PCSK5: variants seen among roughly 807,000 people sequenced by gnomAD.
PCSK5 encodes the protein prohormone convertase 5.
PCSK5 carries 129 observed loss-of-function variants against 233.2 expected under a neutral mutation model. The ratio of observed to expected loss-of-function variants is 0.55; its 90% confidence interval spans 0.48 to 0.64. The LOEUF is 0.64. PCSK5 is among the 30% of genes least tolerant of loss of function. The probability of loss-of-function intolerance (pLI) is 0.00; values close to 1 mark genes in which losing one functional copy is unlikely to be tolerated. For missense variants in PCSK5, 2,076 were observed against 2,430.1 expected, an observed-to-expected ratio of 0.85 and a Z score of 3.06; for synonymous variants, 825 against 879.2, an observed-to-expected ratio of 0.94 and a Z score of 1.09.
intron 5 of PCSK5, among the ~76,000 whole-genome samples, chr9:76,032,392 C>T (rs1482098998): frequency 6.6e-6 from 1 of 152,086 alleles, no homozygotes; most frequent in Admixed American, 6.5e-5. Flanking sequence ...AACTCTAATG[C>T]CTGAAGGGTT....
At chr9:76,137,532 A>T (rs187086805) in intron 10 of PCSK5, among the ~76,000 whole-genome samples, 32 of 152,294 alleles carry the variant, frequency 2.1e-4, no homozygotes, top group African/African-American at 5.3e-4. Context: ...CACAATAAAC[A>T]TAATCTGATG....
At chr9:76,060,220 A>T (rs1004281624) in intron 5 of PCSK5, among the ~76,000 whole-genome samples, 1 of 152,184 alleles carries the variant, frequency 6.6e-6, no homozygotes, top group South Asian at 2.1e-4. Context: ...ATATCTTTTA[A>T]CTTCCCCCAA....
intron 13 of PCSK5, among the ~76,000 whole-genome samples, chr9:76,174,578 G>A (rs1295797019): frequency 6.6e-6 from 1 of 152,070 alleles, no homozygotes; most frequent in African/African-American, 2.4e-5. Flanking sequence ...CCAAGGTGCT[G>A]GGATTACAGG....
At chr9:76,032,882 C>T (rs1036655145) in intron 5 of PCSK5, among the ~76,000 whole-genome samples, 1 of 152,196 alleles carries the variant, frequency 6.6e-6, no homozygotes, top group South Asian at 2.1e-4. Context: ...GAAACCACAG[C>T]ATTATATTTT....
chr9:75,971,032 G>A (rs1230086137), intron 2 of PCSK5, among the ~76,000 whole-genome samples: 3 of 152,020 alleles, frequency 2.0e-5, no homozygotes, highest in Non-Finnish European at 4.4e-5. Context: ...CATCACCTAG[G>A]TATTAAGCCC....
intron 1 of PCSK5, among the ~76,000 whole-genome samples, chr9:75,917,950 A>T (rs1017333941): frequency 1.3e-5 from 2 of 152,154 alleles, no homozygotes; most frequent in Non-Finnish European, 2.9e-5. Flanking sequence ...AATTTTTAAT[A>T]GTTACAATTA....
chr9:76,356,472 C>T (rs1030566679), intron 37 of PCSK5, among the ~76,000 whole-genome samples: 6 of 152,346 alleles, frequency 3.9e-5, no homozygotes, highest in African/African-American at 1.4e-4. Flanking sequence ...GTAATTCAAA[C>T]AACCTCAAAA....
chr9:76,153,340 C>G (rs1376334359), intron 10 of PCSK5, among the ~76,000 whole-genome samples: 1 of 152,184 alleles, frequency 6.6e-6, no homozygotes, highest in Non-Finnish European at 1.5e-5. Context: ...TGAATTTTAA[C>G]TAAGATTAAA....
chr9:76,055,324 C>T (rs1829782028), intron 5 of PCSK5, among the ~76,000 whole-genome samples: 1 of 151,968 alleles, frequency 6.6e-6, no homozygotes, highest in African/African-American at 2.4e-5. Flanking sequence ...CATGTAATTC[C>T]AAGTACTTCA....
rs141841829 is a variant in PCSK5 at position 75,923,884 on chromosome 9, A to G, written c.193-8495A>G. Among the ~76,000 whole-genome samples the G allele has an allele frequency of 2.3e-3, 353 of 152,252 alleles. 3 individuals carry two copies. Among genetic ancestry groups the G allele is most frequent in the African/African-American group, 8.2e-3 (342 of 41,566 alleles). On this transcript the variant is annotated intron_variant, in intron 1 of 37. Transcript: ENST00000674117. ...TTCTACCATCTTCGGAGCCAGCAGC[A>G]TAGCATTTTCAAATCTTTCTCCAAT...
chr9:76,161,278 C>T (rs1244846851), intron 12 of PCSK5, among the ~76,000 whole-genome samples: 2 of 152,088 alleles, frequency 1.3e-5, no homozygotes, highest in Admixed American at 1.3e-4. Context: ...CTCATGTCCT[C>T]CTCCCACTGC....
At chr9:76,238,188 G>T (rs187293548) in intron 22 of PCSK5, among the ~76,000 whole-genome samples, 97 of 152,352 alleles carry the variant, frequency 6.4e-4, no homozygotes, top group African/African-American at 2.3e-3. Context: ...AGATGCATCA[G>T]TAGTCATCTT....
chr9:76,285,612 T>C (rs1480181965), intron 24 of PCSK5, among the ~76,000 whole-genome samples: 2 of 152,060 alleles, frequency 1.3e-5, no homozygotes, highest in African/African-American at 4.8e-5. Context: ...TTGAATGAGA[T>C]AGCCAAAGAT....
chr9:75,973,081 T>TA (rs11432519), intron 2 of PCSK5, among the ~76,000 whole-genome samples: 52,234 of 151,636 alleles, frequency 0.34, 9,244 homozygotes, highest in Non-Finnish European at 0.38. Context: ...GTCTCCCTGG[T>TA]AAAAAAAATG....
At chr9:76,271,409 A>G (rs1437981039) in intron 24 of PCSK5, among the ~76,000 whole-genome samples, 1 of 152,206 alleles carries the variant, frequency 6.6e-6, no homozygotes, top group Non-Finnish European at 1.5e-5. Context: ...CTTTTCACTA[A>G]GAAGAAGTAG....
chr9:76,285,348 C>T (rs1828030717), intron 24 of PCSK5, among the ~76,000 whole-genome samples: 1 of 152,112 alleles, frequency 6.6e-6, no homozygotes. Flanking sequence ...TTTTATGGAA[C>T]ATTTGCAGAT....
chr9:76,076,907 A>C (rs1255154574), intron 7 of PCSK5, among the ~76,000 whole-genome samples: 1 of 152,168 alleles, frequency 6.6e-6, no homozygotes, highest in Admixed American at 6.5e-5. Context: ...AATTAATAGT[A>C]ATAATAATAA....
intron 9 of PCSK5, among the ~76,000 whole-genome samples, chr9:76,108,735 G>A (rs548670778): frequency 2.6e-5 from 4 of 152,302 alleles, no homozygotes; most frequent in African/African-American, 9.6e-5. Context: ...CCTGGTGACA[G>A]AGCCAAGACT....
chr9:75,902,142 G>A (rs564795897), intron 1 of PCSK5, among the ~76,000 whole-genome samples: 1 of 147,610 alleles, frequency 6.8e-6, no homozygotes, highest in African/African-American at 2.5e-5. Flanking sequence ...CTTGAACCCA[G>A]GAGGTGGAGG....
Sources: allele counts gnomAD v4.1 joint callset (sites outside exome capture counted in the v4.1 genomes callset), GRCh38; gene constraint gnomAD v4.1.1; transcripts MANE v1.5; gene names NCBI Gene and HGNC (gene_info 2026-07-23, HGNC 2026-07-21).